The following PPP2R2B variants were observed in gnomAD, a reference collection of about 807,000 sequenced individuals.
PPP2R2B encodes serine/threonine-protein phosphatase 2A 55 kDa regulatory subunit B beta isoform.
A neutral mutation model predicts 46.0 loss-of-function variants in PPP2R2B; 5 were observed. The ratio of observed to expected loss-of-function variants is 0.11; its 90% CI spans 0.06 to 0.23. The LOEUF (loss-of-function observed/expected upper bound fraction) is 0.23. Ranked by LOEUF, PPP2R2B falls within the 10% of genes least tolerant of loss-of-function variation. PPP2R2B has a pLI of 1.00. For synonymous variants in PPP2R2B, 215 were observed against 206.7 expected, an observed-to-expected ratio of 1.04 and a Z score of -0.34; for missense variants, 367 against 575.0, an observed-to-expected ratio of 0.64 and a Z score of 3.70.
At chr5:146,998,205 T>C (rs1234127552) in intron 1 of PPP2R2B, among the ~76,000 whole-genome samples, 1 of 152,268 alleles carries the variant, frequency 6.6e-6, no homozygotes. Context: ...GTTGAGATTG[T>C]GTTTTTCTCT....
intron 1 of PPP2R2B, among the ~76,000 whole-genome samples, chr5:146,898,121 G>T (rs1163654070): frequency 1.3e-5 from 2 of 152,184 alleles, no homozygotes; most frequent in African/African-American, 4.8e-5. Flanking sequence ...GGAAGCGGAG[G>T]TTGCAGTGAA....
At chr5:147,008,186 A>G in intron 1 of PPP2R2B, among the ~76,000 whole-genome samples, 1 of 152,032 alleles carries the variant, frequency 6.6e-6, no homozygotes, top group East Asian at 1.9e-4. Context: ...TTGAGAGGGA[A>G]GCCATGGTTT....
intron 1 of PPP2R2B, among the ~76,000 whole-genome samples, chr5:146,978,662 C>T (rs987944893): frequency 6.6e-6 from 1 of 152,054 alleles, no homozygotes; most frequent in Admixed American, 6.6e-5. Flanking sequence ...TCAGGTTTGT[C>T]AAAAATCACA....
chr5:146,609,830 T>A lies in PPP2R2B; in HGVS notation c.791-9370A>T, dbSNP rs1378764532. ...CACGAGACTATATCCCACACCTGGC[T>A]CAGAGGGTCCTACGCCCACGGAATC... On this transcript the variant is annotated intron_variant, in intron 7 of 9. Coordinates refer to ENST00000394411, the MANE Select transcript of PPP2R2B (RefSeq NM_181675.4). 6.6e-3 allele frequency among the ~76,000 whole-genome samples: 894 copies of A among 135,140 alleles called. 25 individuals are homozygous for A. Among genetic ancestry groups the A allele is most frequent in the African/African-American group, 0.026 (838 of 32,724 alleles). The allele number at this position is 135,140 out of a possible 152,430, so 88.7% of individuals were successfully genotyped here. A position where few individuals can be genotyped will look rare whatever the true frequency, so the allele number is the denominator to read the frequency against.
At chr5:147,053,334 C>A (rs1382810235) in intron 1 of PPP2R2B, among the ~76,000 whole-genome samples, 1 of 152,036 alleles carries the variant, frequency 6.6e-6, no homozygotes, top group African/African-American at 2.4e-5. Flanking sequence ...TGGTTCTATC[C>A]CCTAAGAAGC....
At chr5:146,948,798 G>A (rs1460180610) in intron 1 of PPP2R2B, among the ~76,000 whole-genome samples, 2 of 152,074 alleles carry the variant, frequency 1.3e-5, no homozygotes, top group African/African-American at 4.8e-5. Flanking sequence ...TCATGGTTTA[G>A]TAGATACATT....
intron 9 of PPP2R2B, among the ~76,000 whole-genome samples, chr5:146,592,666 G>A (rs1352253959): frequency 1.3e-5 from 2 of 152,216 alleles, no homozygotes; most frequent in Non-Finnish European, 2.9e-5. Context: ...TGGTGGATAA[G>A]TGATCTTCAT....
At chr5:146,634,859 T>C (rs1363171937) in intron 7 of PPP2R2B, among the ~76,000 whole-genome samples, 2 of 152,082 alleles carry the variant, frequency 1.3e-5, no homozygotes, top group African/African-American at 4.8e-5. Context: ...CAGGTCTGTT[T>C]TTGCTTACCC....
intron 2 of PPP2R2B, among the ~76,000 whole-genome samples, chr5:146,708,199 TA>T (rs559555508): frequency 1.0e-3 from 152 of 151,350 alleles, no homozygotes; most frequent in Non-Finnish European, 1.9e-3. Context: ...CTACCAAAAA[TA>T]AAAAAAATTA....
chr5:146,775,086 C>A (rs1755102111), intron 2 of PPP2R2B, among the ~76,000 whole-genome samples: 2 of 152,090 alleles, frequency 1.3e-5, no homozygotes, highest in Admixed American at 6.5e-5. Context: ...TTCTCAAACT[C>A]TTTCAAAAAA....
Position 146,587,250 on chromosome 5 carries a change from C to G in PPP2R2B, c.*2697G>C, listed in dbSNP as rs1008804845. 1.3e-5 allele frequency: 2 copies of G among 152,156 alleles called. No homozygotes were observed. Among genetic ancestry groups the G allele is most frequent in the African/African-American group, 2.4e-5 (1 of 41,416 alleles). The allele number at this position is 152,156 out of a possible 1,614,324, so 9.4% of individuals were successfully genotyped here. ...ACCTAGTTCAGTACCTGGTAAAGAA[C>G]AGTTAATTTGTGAAACATCGTGGTG... On this transcript the variant is annotated 3_prime_UTR_variant, in exon 10 of 10. Coordinates refer to ENST00000394411, the MANE Select transcript of PPP2R2B (RefSeq NM_181675.4).
At chr5:147,031,844 T>G (rs892716848) in intron 1 of PPP2R2B, among the ~76,000 whole-genome samples, 3 of 152,116 alleles carry the variant, frequency 2.0e-5, no homozygotes, top group African/African-American at 7.2e-5. Flanking sequence ...CCTAGCCACA[T>G]GTAGGATAAT....
At chr5:146,844,756 T>C (rs1759882660) in intron 2 of PPP2R2B, among the ~76,000 whole-genome samples, 2 of 152,252 alleles carry the variant, frequency 1.3e-5, no homozygotes, top group Admixed American at 1.3e-4. Flanking sequence ...TTTGCATCTA[T>C]AGATCAATAT....
intron 1 of PPP2R2B, among the ~76,000 whole-genome samples, chr5:146,966,868 C>T (rs1752440700): frequency 6.6e-6 from 1 of 152,170 alleles, no homozygotes; most frequent in Non-Finnish European, 1.5e-5. Flanking sequence ...TATAATCAGC[C>T]TGCTTAGTGG....
intron 2 of PPP2R2B, among the ~76,000 whole-genome samples, chr5:146,812,724 T>TTATATATATATA (rs764543835): frequency 6.6e-5 from 1 of 15,074 alleles, no homozygotes; most frequent in East Asian, 5.8e-3. Flanking sequence ...TAGAGTTACT[T>TTATATATATATA]TATATATATA....
intron 2 of PPP2R2B, among the ~76,000 whole-genome samples, chr5:147,079,927 C>G (rs1757926554): frequency 6.6e-6 from 1 of 152,062 alleles, no homozygotes; most frequent in African/African-American, 2.4e-5. Context: ...ATACACATAT[C>G]AAAACATCAC....
At chr5:147,069,360 T>C (rs544894061) in intron 2 of PPP2R2B, among the ~76,000 whole-genome samples, 1 of 152,320 alleles carries the variant, frequency 6.6e-6, no homozygotes, top group African/African-American at 2.4e-5. Flanking sequence ...AATTCTCCAC[T>C]GAGGTGAAAT....
At chr5:146,923,184 A>G (rs894264834) in intron 1 of PPP2R2B, among the ~76,000 whole-genome samples, 1 of 152,100 alleles carries the variant, frequency 6.6e-6, no homozygotes, top group East Asian at 1.9e-4. Flanking sequence ...AAAGATTCTC[A>G]ATATATCTAG....
intron 7 of PPP2R2B, among the ~76,000 whole-genome samples, chr5:146,622,205 A>T (rs1451683373): frequency 6.6e-6 from 1 of 152,188 alleles, no homozygotes; most frequent in Non-Finnish European, 1.5e-5. Context: ...TGTGTAAACA[A>T]CATGCTTTTT....
Sources: gnomAD v4.1 joint callset for allele counts (sites outside exome capture counted in the v4.1 genomes callset) on GRCh38, gnomAD v4.1.1 for gene constraint, MANE v1.5 for transcripts, NCBI Gene and HGNC (gene_info 2026-07-23, HGNC 2026-07-21) for gene names.